SASH1: variants seen among roughly 807,000 people sequenced by gnomAD.
The protein encoded by SASH1 is SAM and SH3 domain-containing protein 1.
In SASH1, 44 loss-of-function variants were observed where a neutral mutation model predicts 125.2. That is an observed-to-expected ratio of 0.35 (90% CI 0.28 to 0.45). The LOEUF (loss-of-function observed/expected upper bound fraction) is 0.45. SASH1 is among the 20% of genes least tolerant of loss of function. SASH1 has a pLI of 1.00. For missense variants in SASH1, 1,426 were observed against 1,614.5 expected, an observed-to-expected ratio of 0.88 and a Z score of 2.00; for synonymous variants, 639 against 649.1, an observed-to-expected ratio of 0.98 and a Z score of 0.24.
the SASH1 span, among the ~76,000 whole-genome samples, chr6:148,261,930 T>C: frequency 6.6e-6 from 1 of 152,160 alleles, no homozygotes; most frequent in East Asian, 1.9e-4. Context: ...TCGGGATCTT[T>C]CTGTCATCTT....
At chr6:148,424,771 C>G (rs1488585883) in intron 2 of SASH1, among the ~76,000 whole-genome samples, 1 of 152,206 alleles carries the variant, frequency 6.6e-6, no homozygotes, top group Non-Finnish European at 1.5e-5. Context: ...ACCCCTTCAC[C>G]TGCAGGCCAC....
chr6:148,467,102 T>C (rs951664949), intron 4 of SASH1, among the ~76,000 whole-genome samples: 47 of 119,374 alleles, frequency 3.9e-4, no homozygotes, highest in Non-Finnish European at 6.4e-4. Flanking sequence ...TTTTTTTTTT[T>C]TTTTTTTTTT....
the SASH1 span, among the ~76,000 whole-genome samples, chr6:148,267,013 A>T: frequency 6.6e-6 from 1 of 152,158 alleles, no homozygotes; most frequent in African/African-American, 2.4e-5. Context: ...ACACCTCAGC[A>T]GTTCCAGAAT....
intron 4 of SASH1, among the ~76,000 whole-genome samples, chr6:148,456,532 A>C (rs1406819580): frequency 1.3e-5 from 2 of 152,156 alleles, no homozygotes; most frequent in Non-Finnish European, 2.9e-5. Context: ...CAAACGAATA[A>C]TTTTGCCCCA....
rs754192077 is a variant in SASH1, at chr6:148,343,099, C to T, written c.32C>T (p.Pro11Leu). 3 of 1,562,252 alleles carry T rather than the reference C, an allele frequency of 1.9e-6. No homozygotes were observed. The highest frequency in any genetic ancestry group is 1.8e-5 in the Admixed American group (1 of 54,756). The change falls in exon 1 of 20, where the codon CCG becomes CTG. Residue 11 changes from proline to leucine, a missense_variant. By Grantham distance (98) the Pro-to-Leu change is moderately conservative. Transcript: ENST00000367467. MEDAGAAGPG[P>L]EPEPEPEPEP... ...GACGCGGGAGCAGCTGGCCCGGGGC[C>T]GGAGCCTGAGCCCGAGCCCGAGCCG...
intron 1 of SASH1, among the ~76,000 whole-genome samples, chr6:148,361,501 C>T (rs1314811939): frequency 6.6e-6 from 1 of 151,964 alleles, no homozygotes. Context: ...ACTCGGGAGG[C>T]CGAGGCCGGA....
chr6:148,422,246 G>A (rs927330218), intron 2 of SASH1, among the ~76,000 whole-genome samples: 4 of 152,206 alleles, frequency 2.6e-5, no homozygotes, highest in Non-Finnish European at 5.9e-5. Flanking sequence ...AGAACCATGC[G>A]GGGTCCAAGC....
chr6:148,524,776 C>G (rs73587781), intron 10 of SASH1: 5,371 of 153,068 alleles, frequency 0.035, 324 homozygotes, highest in African/African-American at 0.12. Context: ...CCTTCTCCCC[C>G]CCTCTTCTCA....
intron 4 of SASH1, among the ~76,000 whole-genome samples, chr6:148,450,458 C>G (rs1777039416): frequency 6.6e-6 from 1 of 152,124 alleles, no homozygotes; most frequent in Non-Finnish European, 1.5e-5. Flanking sequence ...GGAAGCATTT[C>G]CTTCCTTCAA....
At chr6:148,355,030 AT>A (rs1191628193) in intron 1 of SASH1, among the ~76,000 whole-genome samples, 1 of 152,202 alleles carries the variant, frequency 6.6e-6, no homozygotes, top group Admixed American at 6.5e-5. Context: ...AAGTGCTGGG[AT>A]TACAGGCATG....
At chr6:148,394,009 C>T (rs963852528) in intron 2 of SASH1, among the ~76,000 whole-genome samples, 3 of 150,644 alleles carry the variant, frequency 2.0e-5, no homozygotes, top group African/African-American at 7.3e-5. Context: ...TCTCTTGCCT[C>T]ATCCTCCCAA....
chr6:148,498,234 CAAAAAAAAAA>C (rs67287043), intron 8 of SASH1, among the ~76,000 whole-genome samples: 1 of 133,480 alleles, frequency 7.5e-6, no homozygotes, highest in Non-Finnish European at 1.7e-5. Context: ...AACAAACAAA[CAAAAAAAAAA>C]AAACAAAAAA....
chr6:148,428,297 G>A (rs898150949), intron 2 of SASH1, among the ~76,000 whole-genome samples: 1 of 151,998 alleles, frequency 6.6e-6, no homozygotes, highest in Non-Finnish European at 1.5e-5. Flanking sequence ...CTGGAACGTG[G>A]TGAGGCCTAA....
chr6:148,401,271 T>A (rs1015290772), intron 2 of SASH1, among the ~76,000 whole-genome samples: 4 of 149,676 alleles, frequency 2.7e-5, no homozygotes, highest in Non-Finnish European at 5.9e-5. Flanking sequence ...AAAAAAAAAA[T>A]TGATGCGGTC....
intron 8 of SASH1, chr6:148,513,168 T>A: frequency 1.0e-6 from 1 of 985,458 alleles, no homozygotes; most frequent in Non-Finnish European, 1.2e-6. Context: ...AGCTTTTCTT[T>A]GGGAGAAAAG....
chr6:148,385,161 C>T (rs1035291051), intron 1 of SASH1, among the ~76,000 whole-genome samples: 1 of 152,164 alleles, frequency 6.6e-6, no homozygotes, highest in Admixed American at 6.6e-5. Context: ...GCAGCTGTGC[C>T]ACCCTTTTCT....
chr6:148,470,646 G>A (rs769554735), intron 5 of SASH1, among the ~76,000 whole-genome samples: 23 of 152,304 alleles, frequency 1.5e-4, no homozygotes, highest in South Asian at 6.2e-4. Flanking sequence ...CTATAGCAGC[G>A]AATTTGTTTT....
chr6:148,218,613 G>A, the SASH1 span, among the ~76,000 whole-genome samples: 1 of 152,296 alleles, frequency 6.6e-6, no homozygotes, highest in East Asian at 1.9e-4. Flanking sequence ...CAGAAGGAGA[G>A]CTGGTGCTGG....
chr6:148,248,336 C>T, the SASH1 span, among the ~76,000 whole-genome samples: 51,926 of 151,910 alleles, frequency 0.34, 8,991 homozygotes, highest in East Asian at 0.53. Flanking sequence ...ATCCAAGAGC[C>T]GGTACAAAGC....
Sources: gnomAD v4.1 joint callset for allele counts (sites outside exome capture counted in the v4.1 genomes callset) on GRCh38, gnomAD v4.1.1 for gene constraint, MANE v1.5 for transcripts, NCBI Gene and HGNC (gene_info 2026-07-23, HGNC 2026-07-21) for gene names.